HMGA2: variants seen among roughly 807,000 people sequenced by gnomAD.
HMGA2 encodes high mobility group protein HMGI-C.
In HMGA2, 8 loss-of-function variants were observed where a neutral mutation model predicts 19.1. The ratio of observed to expected loss-of-function variants is 0.42; its 90% CI spans 0.25 to 0.76. HMGA2 has a LOEUF of 0.76. Ranked by LOEUF, HMGA2 falls within the 30% of genes least tolerant of loss-of-function variation. HMGA2 has a pLI of 0.28. For missense variants in HMGA2, 109 were observed against 136.3 expected (o/e 0.80, Z 1.00); for synonymous variants, 60 against 48.8 (o/e 1.23, Z -0.96).
intron 3 of HMGA2, among the ~76,000 whole-genome samples, chr12:65,884,747 A>C (rs1873585287): frequency 6.6e-6 from 1 of 152,232 alleles, no homozygotes; most frequent in East Asian, 1.9e-4. Flanking sequence ...CATCTGGATT[A>C]ATATGTACTA....
At chr12:65,911,039 A>G (rs1398756627) in intron 3 of HMGA2, among the ~76,000 whole-genome samples, 3 of 152,202 alleles carry the variant, frequency 2.0e-5, no homozygotes, top group Non-Finnish European at 2.9e-5. Flanking sequence ...AATGGGCAAG[A>G]TCTTTGAGAG....
At chr12:65,959,491 C>T (rs1346960531) in intron 4 of HMGA2, among the ~76,000 whole-genome samples, 2 of 152,200 alleles carry the variant, frequency 1.3e-5, no homozygotes, top group African/African-American at 4.8e-5. Flanking sequence ...TCACATGTTT[C>T]GGCCCGGTAC....
chr12:65,930,248 A>G (rs752447588), intron 3 of HMGA2, among the ~76,000 whole-genome samples: 5 of 152,322 alleles, frequency 3.3e-5, no homozygotes, highest in Middle Eastern at 3.4e-3. Context: ...GAAAGGGTCT[A>G]TTGAACTTTG....
chr12:65,877,294 C>T (rs1873096134), intron 3 of HMGA2, among the ~76,000 whole-genome samples: 1 of 152,180 alleles, frequency 6.6e-6, no homozygotes, highest in Non-Finnish European at 1.5e-5. Flanking sequence ...AGCAGGGAAG[C>T]TTTGCCTTTA....
At position 65,882,973 on chromosome 12, in the gene HMGA2, G is replaced by A. The variant is rs147442628; in HGVS notation, c.249+44404G>A. 2.0e-3 allele frequency among the ~76,000 whole-genome samples: 298 copies of A among 152,328 alleles called. 3 individuals carry two copies. Among genetic ancestry groups the A allele is most frequent in the African/African-American group, 7.0e-3 (292 of 41,574 alleles). On this transcript the variant is annotated intron_variant, in intron 3 of 4. Transcript: ENST00000403681. ...TTAATCAAATGGCAGACTCTGCCCC[G>A]CTTCCAGGAAGAGCTCAACTCCAAC...
At chr12:65,950,426 C>G (rs964378258) in intron 3 of HMGA2, among the ~76,000 whole-genome samples, 3 of 152,124 alleles carry the variant, frequency 2.0e-5, no homozygotes, top group African/African-American at 7.2e-5. Flanking sequence ...AAACCCTAGG[C>G]CAGTGAAAGA....
intron 2 of HMGA2, chr12:65,831,091 G>A (rs1870455450): frequency 1.3e-5 from 2 of 151,856 alleles, no homozygotes; most frequent in South Asian, 2.1e-4. Flanking sequence ...ATACGTCTGT[G>A]TGAGCATATC....
intron 4 of HMGA2, chr12:65,952,328 A>C (rs1459151507): frequency 2.6e-6 from 4 of 1,518,524 alleles, no homozygotes; most frequent in Non-Finnish European, 3.5e-6. Flanking sequence ...AAGTCTTTAC[A>C]AATCTACCTT....
At chr12:65,875,529 T>C (rs1253648453) in intron 3 of HMGA2, among the ~76,000 whole-genome samples, 1 of 147,010 alleles carries the variant, frequency 6.8e-6, no homozygotes, top group Non-Finnish European at 1.5e-5. Context: ...GTTCAAGCCA[T>C]TCTCCTGCCT....
intron 3 of HMGA2, among the ~76,000 whole-genome samples, chr12:65,942,054 G>A (rs183168120): frequency 5.1e-4 from 77 of 152,252 alleles, no homozygotes; most frequent in Middle Eastern, 6.8e-3. Context: ...TATTGCCAAC[G>A]TGATTGGAGT....
intron 3 of HMGA2, among the ~76,000 whole-genome samples, chr12:65,840,837 G>T (rs1273894478): frequency 6.6e-6 from 1 of 152,150 alleles, no homozygotes; most frequent in Non-Finnish European, 1.5e-5. Context: ...AATTGCAAGC[G>T]AATACAGTGG....
At chr12:65,941,897 T>C (rs1393734656) in intron 3 of HMGA2, among the ~76,000 whole-genome samples, 1 of 152,192 alleles carries the variant, frequency 6.6e-6, no homozygotes, top group Non-Finnish European at 1.5e-5. Context: ...TCTGTAAGCT[T>C]ATGGGCAAGC....
At chr12:65,911,602 C>G (rs1874848200) in intron 3 of HMGA2, among the ~76,000 whole-genome samples, 2 of 152,168 alleles carry the variant, frequency 1.3e-5, no homozygotes. Flanking sequence ...ATTCTCTTAG[C>G]ATGTTCGATT....
intron 3 of HMGA2, among the ~76,000 whole-genome samples, chr12:65,930,457 G>C (rs986820915): frequency 9.2e-5 from 14 of 152,234 alleles, no homozygotes; most frequent in African/African-American, 3.4e-4. Flanking sequence ...ACAGAAGAGA[G>C]AGTTTGCGGG....
intron 3 of HMGA2, among the ~76,000 whole-genome samples, chr12:65,861,658 A>G (rs2120983022): frequency 6.7e-6 from 1 of 150,022 alleles, no homozygotes; most frequent in Non-Finnish European, 1.5e-5. Flanking sequence ...TACTATATAT[A>G]TTTAATTTAA....
At chr12:65,915,311 A>G (rs1213882030) in intron 3 of HMGA2, 1 of 1,417,614 alleles carries the variant, frequency 7.1e-7, no homozygotes, top group Admixed American at 2.4e-5. Flanking sequence ...TCTGCATCCC[A>G]AGATGTAGTT....
At chr12:65,861,495 AATC>A (rs1438666378) in intron 3 of HMGA2, among the ~76,000 whole-genome samples, 1 of 152,222 alleles carries the variant, frequency 6.6e-6, no homozygotes, top group Non-Finnish European at 1.5e-5. Flanking sequence ...CTTATTTTTT[AATC>A]ATCATTTTAT....
At chr12:65,929,966 A>G (rs78403809) in intron 3 of HMGA2, among the ~76,000 whole-genome samples, 28 of 152,296 alleles carry the variant, frequency 1.8e-4, no homozygotes, top group African/African-American at 6.3e-4. Flanking sequence ...TATATACAGA[A>G]GTAAGAACTG....
intron 3 of HMGA2, among the ~76,000 whole-genome samples, chr12:65,931,511 G>A (rs1181884873): frequency 6.6e-6 from 1 of 151,056 alleles, no homozygotes; most frequent in African/African-American, 2.4e-5. Flanking sequence ...ACTTATCAAG[G>A]GCAACAAGAA....
Sources: allele counts gnomAD v4.1 joint callset (sites outside exome capture counted in the v4.1 genomes callset), GRCh38; gene constraint gnomAD v4.1.1; transcripts MANE v1.5; gene names NCBI Gene and HGNC (gene_info 2026-07-23, HGNC 2026-07-21).